Variants in TXNDC5 observed in about 807,000 individuals in gnomAD.
TXNDC5 encodes thioredoxin domain containing 5, also known as thioredoxin domain-containing protein 5.
In TXNDC5, 44 loss-of-function variants were observed where a neutral mutation model predicts 52.6. That is an observed-to-expected ratio of 0.84 (90% confidence interval 0.66 to 1.08). The LOEUF (loss-of-function observed/expected upper bound fraction) is 1.08, where lower values mean the gene tolerates loss of function less well. Among genes scored for constraint, TXNDC5 ranks in the 50% least tolerant of loss-of-function variants. TXNDC5 has a pLI of 0.00. For missense variants in TXNDC5, 600 were observed against 565.5 expected, an observed-to-expected ratio of 1.06 and a Z score of -0.62; for synonymous variants, 241 against 234.4, an observed-to-expected ratio of 1.03 and a Z score of -0.26.
At chr6:7,888,420 G>A (rs927223219) in intron 7 of TXNDC5, among the ~76,000 whole-genome samples, 8 of 152,242 alleles carry the variant, frequency 5.3e-5, no homozygotes, top group Non-Finnish European at 1.0e-4. Context: ...AAGCGGAAAG[G>A]AAGGATTCTC....
intron 3 of TXNDC5, 46 bp downstream of exon 3, chr6:7,899,528 GGA>G (rs758829790): frequency 7.3e-7 from 1 of 1,375,374 alleles, no homozygotes; most frequent in Middle Eastern, 2.1e-4. Context: ...ATGTAGGCAG[GGA>G]GAGAGGGAGG....
At position 7,899,671 on chromosome 6, in the gene TXNDC5, A is replaced by C; in HGVS notation, c.424T>G (p.Phe142Val). Residue 142 changes from phenylalanine to valine, a missense_variant, in exon 3 of 10, where the codon TTC becomes GTC. Transcript: ENST00000379757. ...GVRGYPTLKL[F>V]KPGQEAVKYQ... is the part of the protein sequence containing the mutation. The stretch of plus-strand genomic sequence containing the variant: ...TTCACAGCTTCTTGGCCTGGCTTGA[A>C]AAGCTTTAAGCTGAAAGAATAACAA... The C allele has an allele frequency of 6.2e-7, 1 of 1,614,006 alleles. No individual in the cohort carries two copies.
intron 1 of TXNDC5, among the ~76,000 whole-genome samples, 160 bp from the exon 2 acceptor site, chr6:7,904,883 G>C (rs528422437): frequency 6.6e-6 from 1 of 152,248 alleles, no homozygotes; most frequent in African/African-American, 2.4e-5. Context: ...TCTCTCCCCT[G>C]CTCCCATCCC....
intron 3 of TXNDC5, among the ~76,000 whole-genome samples, chr6:7,896,212 TA>T (rs2113346989): frequency 6.6e-6 from 1 of 152,252 alleles, no homozygotes; most frequent in East Asian, 1.9e-4. Context: ...GGCATGAACA[TA>T]AGCTGCACCT....
rs368401355 is a variant in TXNDC5, at chr6:7,910,598, G to A, written c.179C>T (p.Pro60Leu). Residue 60 changes from proline (P) to leucine (L), a missense_variant, in exon 1 of 10, where the codon CCG becomes CTG. Physicochemically the swap from Pro to Leu is moderately conservative, Grantham distance 98 (BLOSUM62 -3). Coordinates refer to ENST00000379757, the MANE Select transcript of TXNDC5 (RefSeq NM_030810.5). ...GGCCGTGTACAGGTGCTTGCTGTGC[G>A]GGTCCTGTCCGTCCTCGCCGTCTGC... is the stretch of plus-strand genomic sequence containing the variant. ...PAADGEDGQD[P>L]HSKHLYTADM... is the part of the protein sequence containing the mutation. 49 of 1,400,382 alleles carry A rather than the reference G, an allele frequency of 3.5e-5. No homozygotes were observed. The African/African-American group carries it at 6.0e-4, about 17-fold the overall frequency. 86.7% of individuals were successfully genotyped at this position (1,400,382 alleles called of 1,614,324 possible). A position where few individuals can be genotyped will look rare whatever the true frequency, so the allele number is the denominator to read the frequency against.
In TXNDC5 at chr6:7,910,711, CA is replaced by C; in HGVS notation, c.65del (p.Leu22ArgfsTer118). On this transcript the variant is annotated frameshift_variant, in exon 1 of 10. Transcript: ENST00000379757. LOFTEE classifies it high-confidence loss of function. ...CGCCGCCATGGCCCAGCAGCAGCAG[CA>C]GCAGCGCAGTCAGGGCCGCCGGCCG... ...LARPAALTAL[L>X]LLLLGHGGGG... is the part of the protein sequence containing the mutation. 9.3e-7 allele frequency: 1 copy of C among 1,072,678 alleles called. No homozygotes were observed. The highest frequency in any genetic ancestry group is 1.1e-6 in the Non-Finnish European group (1 of 889,688). 66.4% of individuals were successfully genotyped at this position (1,072,678 alleles called of 1,614,324 possible).
At chr6:7,898,447 GA>G (rs768176535) in intron 3 of TXNDC5, among the ~76,000 whole-genome samples, 31 of 152,226 alleles carry the variant, frequency 2.0e-4, no homozygotes, top group Non-Finnish European at 2.6e-4. Flanking sequence ...GGGCAGAGCG[GA>G]AGAGCCGCAC....
chr6:7,909,990 G>C (rs1760861051), intron 1 of TXNDC5: 3 of 986,170 alleles, frequency 3.0e-6, no homozygotes, highest in Non-Finnish European at 3.6e-6. Flanking sequence ...AGGGACCGCG[G>C]GGTGACATTT....
intron 3 of TXNDC5, among the ~76,000 whole-genome samples, chr6:7,898,164 G>A (rs918702819): frequency 2.6e-5 from 4 of 151,984 alleles, no homozygotes; most frequent in African/African-American, 7.3e-5. Context: ...GGGTTCAAGT[G>A]ATTCTCCTGC....
rs1371752491 is a variant in TXNDC5 at position 7,883,088 on chromosome 6, A to C, written c.*56T>G. The stretch of plus-strand genomic sequence containing the variant: ...AACCCAGTGGCCTCTGTGGGACTGA[A>C]CTCCTAAACGCAGGGTGCGGGAGCT... On this transcript the variant is annotated 3_prime_UTR_variant, in exon 10 of 10. Transcript: ENST00000379757. 1.9e-5 allele frequency: 30 copies of C among 1,609,902 alleles called. No individual in the cohort carries two copies. Among genetic ancestry groups the C allele is most frequent in the African/African-American group, 5.4e-5 (4 of 74,758 alleles).
intron 8 of TXNDC5, among the ~76,000 whole-genome samples, chr6:7,884,826 C>T (rs1759905144): frequency 6.6e-6 from 1 of 152,202 alleles, no homozygotes; most frequent in Non-Finnish European, 1.5e-5. Context: ...GGGAACAGGG[C>T]AGATGCCACA....
chr6:7,898,565 G>A (rs1416204728), intron 3 of TXNDC5, among the ~76,000 whole-genome samples: 1 of 152,152 alleles, frequency 6.6e-6, no homozygotes, highest in Non-Finnish European at 1.5e-5. Flanking sequence ...GTAGTCTTAG[G>A]TATTTGTTGA....
rs555416935 is a variant in TXNDC5, at chr6:7,902,126, G to A, written c.414-2445C>T. Among the ~76,000 whole-genome samples the A allele has an allele frequency of 2.6e-5, 4 of 152,272 alleles. No homozygotes were observed. The South Asian group carries it at 8.3e-4, about 32-fold the overall frequency. On this transcript the variant is annotated intron_variant, in intron 2 of 9. Transcript: ENST00000379757. Reference sequence around the variant, plus strand: ...GCCAAAGATGACCAGGAAACCAACAGGAGCCAGGACGAGGCAAGGGAGGAT... The same window carrying A: ...GCCAAAGATGACCAGGAAACCAACAAGAGCCAGGACGAGGCAAGGGAGGAT...
chr6:7,891,834 G>A, intron 4 of TXNDC5, 98 bp from the exon 5 acceptor site: 1 of 841,326 alleles, frequency 1.2e-6, no homozygotes, highest in Non-Finnish European at 1.9e-6. Flanking sequence ...TCTTTGTCCT[G>A]CTTAGCAAAT....
At chr6:7,884,238 G>T in intron 9 of TXNDC5, 121 bp downstream of exon 9, 3 of 1,340,204 alleles carry the variant, frequency 2.2e-6, no homozygotes, top group Non-Finnish European at 3.1e-6. Context: ...AACTCAAAGG[G>T]ACATAAAAAC....
At chr6:7,910,190 T>A in intron 1 of TXNDC5, 1 of 972,782 alleles carries the variant, frequency 1.0e-6, no homozygotes, top group Non-Finnish European at 1.2e-6. Context: ...CCCGGCCCGC[T>A]GAGCTCACGC....
chr6:7,888,747 G>A lies in TXNDC5; in HGVS notation c.921C>T (p.Pro307=), dbSNP rs150451942. Residue 307 remains proline, a synonymous_variant, in exon 7 of 10, where the codon CCC becomes CCT. Transcript: ENST00000379757. Reference sequence around the variant, plus strand: ...CAGCTGCCAGCACCGGGGCCTCTGAGGGCGTGACGGTCTCCGTCGCTCCAG... The same window carrying A: ...CAGCTGCCAGCACCGGGGCCTCTGAAGGCGTGACGGTCTCCGTCGCTCCAG... ...TETGATETVT[P]SEAPVLAAEP... 19 of 1,613,802 alleles carry A rather than the reference G, an allele frequency of 1.2e-5. No homozygotes were observed. Among genetic ancestry groups the A allele is most frequent in the Non-Finnish European group, 1.5e-5 (18 of 1,179,982 alleles).
chr6:7,899,975 T>A, intron 2 of TXNDC5: 2 of 212,042 alleles, frequency 9.4e-6, no homozygotes, highest in Non-Finnish European at 1.9e-5. Context: ...AGTGCTCCTC[T>A]GCAGCAGCCT....
chr6:7,894,068 A>G lies in TXNDC5; in HGVS notation c.616+1038T>C, dbSNP rs976358378. Among the ~76,000 whole-genome samples, 19 of 152,232 alleles carry G rather than the reference A, an allele frequency of 1.2e-4. 1 individual carries two copies. The highest frequency in any genetic ancestry group is 3.9e-4 in the Admixed American group (6 of 15,284). ...TGGTATAGAAAGATCTTTTAAGTGT[A>G]AAGAGTAACTAATTTGATTCATGTT... On this transcript the variant is annotated intron_variant, in intron 4 of 9. Transcript: ENST00000379757.
Sources: allele counts gnomAD v4.1 joint callset (sites outside exome capture counted in the v4.1 genomes callset), GRCh38; gene constraint gnomAD v4.1.1; transcripts MANE v1.5; gene names NCBI Gene and HGNC (gene_info 2026-07-23, HGNC 2026-07-21).